The following SYT1 variants were observed in gnomAD, a reference collection of about 807,000 sequenced individuals.
SYT1 encodes the protein synaptotagmin 1, also known as synaptotagmin-1.
Under a neutral mutation model 44.8 loss-of-function variants are expected in SYT1, and 8 were observed. The observed-to-expected ratio is 0.18, with a 90% CI of 0.10 to 0.32. SYT1 has a LOEUF of 0.32. Among genes scored for constraint, SYT1 ranks in the 10% least tolerant of loss-of-function variants. The pLI is 1.00. For synonymous variants in SYT1, 154 were observed against 188.8 expected, an observed-to-expected ratio of 0.82 and a Z score of 1.51; for missense variants, 286 against 509.3, an observed-to-expected ratio of 0.56 and a Z score of 4.22.
chr12:79,002,382 A>T (rs1870799564), intron 2 of SYT1, among the ~76,000 whole-genome samples: 1 of 152,070 alleles, frequency 6.6e-6, no homozygotes, highest in Admixed American at 6.6e-5. Flanking sequence ...AAATTTCCTC[A>T]GTAGGAGGAA....
chr12:79,216,714 TAAA>T (rs1451669738), intron 3 of SYT1, among the ~76,000 whole-genome samples: 6 of 152,160 alleles, frequency 3.9e-5, no homozygotes, highest in African/African-American at 1.4e-4. Flanking sequence ...AACAAATACT[TAAA>T]ATAATTGAAT....
intron 3 of SYT1, among the ~76,000 whole-genome samples, chr12:79,201,655 T>C (rs1485719119): frequency 1.3e-5 from 2 of 152,306 alleles, no homozygotes; most frequent in East Asian, 3.9e-4. Context: ...CAACGATGCA[T>C]CATAGTTTAT....
At position 79,296,095 on chromosome 12, in the gene SYT1, C is replaced by G; in HGVS notation, c.501C>G (p.Ala167=). The G allele has an allele frequency of 6.2e-7, 1 of 1,612,492 alleles. No individual in the cohort carries two copies. The highest frequency in any genetic ancestry group is 8.5e-7 in the Non-Finnish European group (1 of 1,179,308). ...NQLLVGIIQA[A]ELPALDMGGT... is the part of the protein sequence containing the mutation. ...TGCTGGTAGGGATCATTCAGGCTGC[C>G]GAACTGCCCGCCTTGGACATGGGGG... Residue 167 remains alanine (A), a synonymous_variant, in exon 7 of 11, where the codon GCC becomes GCG. Transcript: ENST00000261205.
At chr12:79,040,631 G>C (rs1341509345) in intron 2 of SYT1, among the ~76,000 whole-genome samples, 2 of 151,766 alleles carry the variant, frequency 1.3e-5, no homozygotes, top group African/African-American at 4.8e-5. Flanking sequence ...AGTTTAATTA[G>C]ATCCCATTTG....
chr12:79,221,573 G>C (rs1875163769), intron 4 of SYT1, among the ~76,000 whole-genome samples: 1 of 152,016 alleles, frequency 6.6e-6, no homozygotes, highest in Admixed American at 6.6e-5. Context: ...ATATCAGCTA[G>C]AGGTTTCTTC....
chr12:79,122,768 A>G (rs546450495), intron 3 of SYT1, among the ~76,000 whole-genome samples: 2 of 152,154 alleles, frequency 1.3e-5, no homozygotes, highest in African/African-American at 2.4e-5. Flanking sequence ...CTTTGTTTCC[A>G]TCAAGTTCTT....
chr12:79,371,571 G>T (rs1191413050), intron 9 of SYT1, among the ~76,000 whole-genome samples: 1 of 152,156 alleles, frequency 6.6e-6, no homozygotes, highest in African/African-American at 2.4e-5. Flanking sequence ...GGAAAATAAT[G>T]TCCAGAAGGA....
chr12:79,047,544 A>G (rs1219993428), intron 3 of SYT1, among the ~76,000 whole-genome samples, 182 bp downstream of exon 3: 1 of 151,878 alleles, frequency 6.6e-6, no homozygotes, highest in Non-Finnish European at 1.5e-5. Flanking sequence ...ATCCTCTTAC[A>G]TAAGAGGGCA....
chr12:79,134,899 T>C (rs549506746), intron 3 of SYT1, among the ~76,000 whole-genome samples: 3 of 152,074 alleles, frequency 2.0e-5, no homozygotes, highest in Non-Finnish European at 2.9e-5. Context: ...GTTCTGGGGA[T>C]CTAATGTATA....
chr12:79,217,353 T>C, intron 3 of SYT1, 150 bp from the exon 4 acceptor site: 1 of 589,840 alleles, frequency 1.7e-6, no homozygotes, highest in Non-Finnish European at 2.6e-6. Flanking sequence ...AAATATTTCA[T>C]TTACCAACAC....
intron 3 of SYT1, among the ~76,000 whole-genome samples, chr12:79,086,698 A>G (rs1042196857): frequency 1.3e-5 from 2 of 152,136 alleles, no homozygotes; most frequent in Admixed American, 6.6e-5. Context: ...AAGCAGAAAA[A>G]TCACTGCCGG....
At chr12:78,990,015 C>T (rs1364119974) in intron 2 of SYT1, among the ~76,000 whole-genome samples, 1 of 152,006 alleles carries the variant, frequency 6.6e-6, no homozygotes, top group East Asian at 1.9e-4. Flanking sequence ...ATAAATAGAA[C>T]AAGCAGAAAT....
At chr12:79,389,327 G>A (rs978840480) in intron 9 of SYT1, among the ~76,000 whole-genome samples, 3 of 152,094 alleles carry the variant, frequency 2.0e-5, no homozygotes, top group East Asian at 1.9e-4. Context: ...CTATCTATAC[G>A]TTCCCAGCAT....
chr12:79,449,450 A>T lies in SYT1; in HGVS notation c.*326A>T, dbSNP rs1372285167. ...TCTAGTTTGTGTATTTGTATGTTGT[A>T]AGCGTTTCCTAATCTGTGTATATCT... On this transcript the variant is annotated 3_prime_UTR_variant, in exon 11 of 11. Coordinates refer to ENST00000261205, the MANE Select transcript of SYT1 (RefSeq NM_005639.3). 1 of 275,626 alleles carries T rather than the reference A, an allele frequency of 3.6e-6. No homozygotes were observed. The highest frequency in any genetic ancestry group is 2.2e-5 in the African/African-American group (1 of 45,040). The allele number at this position is 275,626 out of a possible 1,614,324, so 17.1% of individuals were successfully genotyped here. A position where few individuals can be genotyped will look rare whatever the true frequency, so the allele number is the denominator to read the frequency against.
chr12:79,327,452 T>C (rs1290774679), intron 8 of SYT1, among the ~76,000 whole-genome samples: 4 of 152,188 alleles, frequency 2.6e-5, no homozygotes, highest in Admixed American at 2.6e-4. Flanking sequence ...GTGCTCTAGG[T>C]AACATATAGC....
At chr12:78,953,225 A>G (rs980965287) in intron 1 of SYT1, among the ~76,000 whole-genome samples, 1 of 152,070 alleles carries the variant, frequency 6.6e-6, no homozygotes. Flanking sequence ...TTAACATTAA[A>G]GGATGAGAAT....
chr12:78,875,913 G>A (rs540995211), intron 1 of SYT1, among the ~76,000 whole-genome samples: 13 of 151,358 alleles, frequency 8.6e-5, no homozygotes, highest in Middle Eastern at 3.4e-3. Flanking sequence ...CATATCTTCC[G>A]TTTCTTAAAT....
chr12:79,143,450 C>T (rs1474486594), intron 3 of SYT1, among the ~76,000 whole-genome samples: 1 of 152,114 alleles, frequency 6.6e-6, no homozygotes, highest in Non-Finnish European at 1.5e-5. Context: ...AAAAAAGATT[C>T]AATATTCTGA....
intron 1 of SYT1, among the ~76,000 whole-genome samples, chr12:78,948,177 G>A (rs1210905960): frequency 2.6e-5 from 4 of 151,534 alleles, no homozygotes; most frequent in Non-Finnish European, 5.9e-5. Flanking sequence ...TATATTAAAG[G>A]CTTTCAAAAT....
Sources: allele counts gnomAD v4.1 joint callset (sites outside exome capture counted in the v4.1 genomes callset), GRCh38; gene constraint gnomAD v4.1.1; transcripts MANE v1.5; gene names NCBI Gene and HGNC (gene_info 2026-07-23, HGNC 2026-07-21).